Variants in RTTN observed in about 807,000 individuals in gnomAD.
RTTN encodes rotatin.
Under a neutral mutation model 269.2 loss-of-function variants are expected in RTTN, and 182 were observed. The ratio of observed to expected loss-of-function variants is 0.68; its 90% confidence interval spans 0.60 to 0.76. The LOEUF is 0.76. Ranked by LOEUF, RTTN falls within the 30% of genes least tolerant of loss-of-function variation. The pLI is 0.00. For synonymous variants in RTTN, 1,006 were observed against 963.5 expected (o/e 1.04, Z -0.82); for missense variants, 2,545 against 2,608.6 (o/e 0.98, Z 0.53).
At chr18:70,033,134 T>C (rs1189664458) in intron 40 of RTTN, among the ~76,000 whole-genome samples, 1 of 152,212 alleles carries the variant, frequency 6.6e-6, no homozygotes, top group Admixed American at 6.5e-5. Flanking sequence ...TGTTTAAAAG[T>C]GTGTGGCATC....
At chr18:70,074,138 A>AT (rs781565584) in intron 33 of RTTN, 144 bp from the exon 34 acceptor site, 5 of 450,624 alleles carry the variant, frequency 1.1e-5, no homozygotes, top group Admixed American at 3.9e-5. Flanking sequence ...ATAGACCACT[A>AT]TTTAAAAAAA....
chr18:70,166,755 T>C (rs553649811), intron 13 of RTTN, 164 bp downstream of exon 13: 5 of 509,788 alleles, frequency 9.8e-6, no homozygotes, highest in East Asian at 6.5e-5. Context: ...AGTATCCTAA[T>C]GCAGCTGTAC....
At chr18:70,175,665 A>G (rs1231871657) in intron 11 of RTTN, among the ~76,000 whole-genome samples, 1 of 152,000 alleles carries the variant, frequency 6.6e-6, no homozygotes, top group East Asian at 1.9e-4. Context: ...AGTTACTAAA[A>G]TATGCAACAC....
chr18:70,161,100 C>G (rs775674589), intron 14 of RTTN, among the ~76,000 whole-genome samples: 14 of 152,148 alleles, frequency 9.2e-5, no homozygotes, highest in Non-Finnish European at 1.8e-4. Flanking sequence ...TCAAACTATA[C>G]TATGGGGCTA....
In RTTN at chr18:70,199,499, G is replaced by T; in HGVS notation, c.493C>A (p.Gln165Lys). The T allele has an allele frequency of 1.9e-6, 3 of 1,606,666 alleles. No individual in the cohort carries two copies. Among genetic ancestry groups the T allele is most frequent in the Non-Finnish European group, 2.6e-6 (3 of 1,173,628 alleles). Residue 165 changes from glutamine to lysine, a missense_variant, in exon 5 of 49, where the codon CAG becomes AAG. Coordinates refer to ENST00000640769, the MANE Select transcript of RTTN (RefSeq NM_173630.4). ...MEVPPRPVVN[Q>K]TVKCLKFSTF... ...GAAAACTTCAAGCACTTCACAGTCT[G>T]ATTTACTGTCAGTGAAAGAGCAAAT... is the stretch of plus-strand genomic sequence containing the variant.
At chr18:70,047,022 A>G (rs2057509876) in intron 40 of RTTN, among the ~76,000 whole-genome samples, 3 of 152,234 alleles carry the variant, frequency 2.0e-5, no homozygotes. Flanking sequence ...CTGCATGATC[A>G]TGACTCTCAC....
chr18:70,157,113 C>A (rs1324411324), intron 14 of RTTN, among the ~76,000 whole-genome samples: 2 of 152,348 alleles, frequency 1.3e-5, no homozygotes, highest in East Asian at 3.9e-4. Context: ...CTGCAGCCTC[C>A]CCTGCCAGTG....
At chr18:70,085,261 A>G (rs1023127294) in intron 32 of RTTN, among the ~76,000 whole-genome samples, 2 of 152,212 alleles carry the variant, frequency 1.3e-5, no homozygotes, top group Admixed American at 6.5e-5. Context: ...AAAGTAGATA[A>G]GCAGCCATTA....
At chr18:70,137,379 A>G (rs536224249) in intron 21 of RTTN, among the ~76,000 whole-genome samples, 4 of 152,294 alleles carry the variant, frequency 2.6e-5, no homozygotes, top group South Asian at 4.1e-4. Context: ...CTGTCATAAC[A>G]TAAAGTTTAT....
Position 70,016,879 on chromosome 18 carries a change from T to C in RTTN, c.6421+528A>G, listed in dbSNP as rs547079379. 3.2e-4 allele frequency among the ~76,000 whole-genome samples: 48 copies of C among 152,118 alleles called. 1 individual carries two copies. Among genetic ancestry groups the C allele is most frequent in the Admixed American group, 1.7e-3 (26 of 15,282 alleles). On this transcript the variant is annotated intron_variant, in intron 46 of 48. Transcript: ENST00000640769. ...CTCCTGACCCCATAAGAGCTTACCT[T>C]CTAGTGTGGGAAGACTAGGAATAGA...
In RTTN at chr18:70,082,744, A is replaced by G. The variant is rs367827241; in HGVS notation, c.4374+3869T>C. ...TTTGTTCTGTCACCCAGGCTGCAGC[A>G]CAGTGACACAATCATAGCTTACTGT... On this transcript the variant is annotated intron_variant, in intron 32 of 48. Coordinates refer to ENST00000640769, the MANE Select transcript of RTTN (RefSeq NM_173630.4). Among the ~76,000 whole-genome samples, 44 of 152,262 alleles carry G rather than the reference A, an allele frequency of 2.9e-4. 1 individual carries two copies. Among genetic ancestry groups the G allele is most frequent in the African/African-American group, 1.1e-3 (44 of 41,558 alleles).
chr18:70,135,235 C>G lies in RTTN; in HGVS notation c.2834G>C (p.Gly945Ala). The change falls in exon 22 of 49, where the codon GGA becomes GCA. Residue 945 changes from glycine to alanine, a missense_variant. By Grantham distance (60) the Gly-to-Ala change is moderately conservative (BLOSUM62 0). Transcript: ENST00000640769. ...HEDCSVVTEV[G>A]ALFCLLLFDE... ...AAATAATAGAAGACAAAATAGTGCT[C>G]CAACTTCAGTCACGACACTACAATC... 6.5e-7 allele frequency: 1 copy of G among 1,541,546 alleles called. No individual in the cohort carries two copies. The highest frequency in any genetic ancestry group is 1.2e-5 in the South Asian group (1 of 81,332).
At chr18:70,130,200 C>T (rs918163000) in intron 23 of RTTN, 1 of 151,948 alleles carries the variant, frequency 6.6e-6, no homozygotes, top group Non-Finnish European at 1.5e-5. Flanking sequence ...TTAGTAGAGT[C>T]ATTATTGGAA....
At chr18:70,152,470 C>T (rs752224162) in intron 14 of RTTN, among the ~76,000 whole-genome samples, 19 of 152,126 alleles carry the variant, frequency 1.2e-4, no homozygotes, top group Non-Finnish European at 2.2e-4. Context: ...AGAGTAAATG[C>T]TCAATAAATG....
chr18:70,038,797 A>G (rs1292808126), intron 40 of RTTN, among the ~76,000 whole-genome samples: 1 of 152,238 alleles, frequency 6.6e-6, no homozygotes, highest in Non-Finnish European at 1.5e-5. Context: ...AGAATTCAAA[A>G]TTGCTGTGGT....
chr18:70,129,521 G>A (rs1336332223), intron 23 of RTTN: 1 of 151,380 alleles, frequency 6.6e-6, no homozygotes, highest in African/African-American at 2.4e-5. Context: ...AACATAATTT[G>A]GGGAAAGAAC....
At chr18:70,069,797 A>G (rs777608078) in intron 34 of RTTN, among the ~76,000 whole-genome samples, 21 of 152,200 alleles carry the variant, frequency 1.4e-4, no homozygotes, top group Non-Finnish European at 2.8e-4. Flanking sequence ...AAAGGTACAA[A>G]GGGAGAAAAT....
intron 34 of RTTN, among the ~76,000 whole-genome samples, chr18:70,073,625 C>T (rs1326954466): frequency 6.6e-5 from 10 of 152,152 alleles, no homozygotes; most frequent in Non-Finnish European, 1.0e-4. Context: ...TAGCAAGACA[C>T]ACCCTGGTTC....
intron 8 of RTTN, among the ~76,000 whole-genome samples, chr18:70,192,270 T>G (rs2061689138): frequency 1.3e-5 from 2 of 152,162 alleles, no homozygotes; most frequent in Admixed American, 1.3e-4. Flanking sequence ...TGAACATTTT[T>G]TAGAATGACA....
Sources: allele counts gnomAD v4.1 joint callset (sites outside exome capture counted in the v4.1 genomes callset), GRCh38; gene constraint gnomAD v4.1.1; transcripts MANE v1.5; gene names NCBI Gene and HGNC (gene_info 2026-07-23, HGNC 2026-07-21).